SLC6A11: variants seen among roughly 807,000 people sequenced by gnomAD.
SLC6A11 encodes the protein sodium- and chloride-dependent GABA transporter 3.
SLC6A11 carries 25 observed loss-of-function variants against 74.8 expected under a neutral mutation model. The observed-to-expected ratio is 0.33, with a 90% confidence interval of 0.24 to 0.47. SLC6A11 has a LOEUF of 0.47. Ranked by LOEUF, SLC6A11 falls within the 20% of genes least tolerant of loss-of-function variation. The pLI is 1.00. For synonymous variants in SLC6A11, 330 were observed against 330.2 expected (o/e 1.00, Z 0.01); for missense variants, 574 against 837.0 (o/e 0.69, Z 3.88).
chr3:10,874,194 G>C (rs1336897361), intron 5 of SLC6A11, among the ~76,000 whole-genome samples: 1 of 152,238 alleles, frequency 6.6e-6, no homozygotes, highest in South Asian at 2.1e-4. Flanking sequence ...TTTAAAAAAA[G>C]AATACAATAG....
chr3:10,882,531 T>C (rs1397870057), intron 6 of SLC6A11, among the ~76,000 whole-genome samples: 1 of 152,194 alleles, frequency 6.6e-6, no homozygotes, highest in East Asian at 1.9e-4. Flanking sequence ...CTTGCCCTGT[T>C]CAATCTCCAG....
intron 4 of SLC6A11, among the ~76,000 whole-genome samples, chr3:10,843,022 C>G (rs1003094914): frequency 6.6e-6 from 1 of 152,014 alleles, no homozygotes; most frequent in Non-Finnish European, 1.5e-5. Flanking sequence ...CACAGAGTGC[C>G]GAAGCGACTG....
At chr3:10,871,061 A>C (rs577824038) in intron 5 of SLC6A11, among the ~76,000 whole-genome samples, 1 of 152,344 alleles carries the variant, frequency 6.6e-6, no homozygotes, top group African/African-American at 2.4e-5. Context: ...AGAACTCTAA[A>C]CAATGGAATT....
intron 4 of SLC6A11, 75 bp downstream of exon 4, chr3:10,823,467 A>C: frequency 1.0e-6 from 1 of 995,746 alleles, no homozygotes; most frequent in Non-Finnish European, 1.6e-6. Flanking sequence ...TCTTGCCCCT[A>C]TTCCTGGAAA....
chr3:10,933,531 A>G (rs1276218610), intron 11 of SLC6A11, among the ~76,000 whole-genome samples: 1 of 152,180 alleles, frequency 6.6e-6, no homozygotes, highest in Non-Finnish European at 1.5e-5. Flanking sequence ...AACAGTAGTC[A>G]TCAACATGTC....
intron 5 of SLC6A11, among the ~76,000 whole-genome samples, chr3:10,854,612 C>T (rs1314709106): frequency 3.3e-5 from 5 of 152,136 alleles, no homozygotes; most frequent in Non-Finnish European, 7.4e-5. Flanking sequence ...GCTGTTATCC[C>T]CCTCCCGCCT....
intron 4 of SLC6A11, among the ~76,000 whole-genome samples, chr3:10,831,298 A>G (rs1694293246): frequency 6.6e-6 from 1 of 152,190 alleles, no homozygotes; most frequent in African/African-American, 2.4e-5. Flanking sequence ...TTATTTTGCG[A>G]TATGACCTCA....
intron 5 of SLC6A11, among the ~76,000 whole-genome samples, chr3:10,860,313 T>A (rs1181806647): frequency 6.6e-6 from 1 of 152,148 alleles, no homozygotes; most frequent in Admixed American, 6.5e-5. Context: ...ATTCCGGCAG[T>A]GGAAACTACA....
At chr3:10,904,701 T>C (rs202168484) in intron 6 of SLC6A11, among the ~76,000 whole-genome samples, 1 of 152,296 alleles carries the variant, frequency 6.6e-6, no homozygotes, top group East Asian at 1.9e-4. Context: ...GCCTTTGTTC[T>C]GTTTGACTTG....
At chr3:10,819,348 G>C (rs1694105953) in intron 1 of SLC6A11, 117 bp from the exon 2 acceptor site, 2 of 1,068,792 alleles carry the variant, frequency 1.9e-6, no homozygotes, top group Non-Finnish European at 2.7e-6. Context: ...ATGGGAACTT[G>C]AACTCAAGTT....
At chr3:10,853,935 G>T (rs1474432847) in intron 5 of SLC6A11, among the ~76,000 whole-genome samples, 1 of 152,170 alleles carries the variant, frequency 6.6e-6, no homozygotes, top group African/African-American at 2.4e-5. Context: ...TGTGCACCCT[G>T]CCAGGGCCCT....
chr3:10,899,273 G>A (rs1448495334), intron 6 of SLC6A11, among the ~76,000 whole-genome samples: 1 of 152,168 alleles, frequency 6.6e-6, no homozygotes, highest in Non-Finnish European at 1.5e-5. Flanking sequence ...GGAGTTCTCA[G>A]CCAGGGAGGA....
intron 6 of SLC6A11, among the ~76,000 whole-genome samples, chr3:10,909,610 G>A (rs1013723887): frequency 1.2e-4 from 18 of 152,312 alleles, no homozygotes; most frequent in Admixed American, 4.6e-4. Flanking sequence ...GTGAAAGAGG[G>A]ACACCTGGTT....
intron 6 of SLC6A11, among the ~76,000 whole-genome samples, chr3:10,905,344 AAAACCTTCCCAAGC>A (rs1349372170): frequency 6.6e-6 from 1 of 152,228 alleles, no homozygotes; most frequent in East Asian, 1.9e-4. Flanking sequence ...CCTAATCCTT[AAAACCTTCCCAAGC>A]AAACCTCCAG....
rs1012379171 is a variant in SLC6A11 at position 10,939,773 on chromosome 3, G to A, written c.*1371G>A. The A allele has an allele frequency of 6.6e-6, 1 of 152,316 alleles. No homozygotes were observed. The highest frequency in any genetic ancestry group is 1.5e-5 in the Non-Finnish European group (1 of 68,110). 9.4% of individuals were successfully genotyped at this position (152,316 alleles called of 1,614,324 possible). On this transcript the variant is annotated 3_prime_UTR_variant, in exon 14 of 14. Transcript: ENST00000254488. ...AGAGGGAAGACCTGGGCATCCTGCT[G>A]GCTCCTCTCTCCGTGGGGCCTGGAG...
rs183490802 is a variant in SLC6A11 at position 10,882,357 on chromosome 3, C to A, written c.891+7262C>A. 4.4e-3 allele frequency among the ~76,000 whole-genome samples: 677 copies of A among 152,292 alleles called. 7 individuals carry two copies. Among genetic ancestry groups the A allele is most frequent in the South Asian group, 0.031 (149 of 4,828 alleles). Reference sequence around the variant, plus strand: ...ACCGGTGCAGTCACAATGAAGGTCCCAACCACCTTATTTAAAATCTTACCA... The same window carrying A: ...ACCGGTGCAGTCACAATGAAGGTCCAAACCACCTTATTTAAAATCTTACCA... On this transcript the variant is annotated intron_variant, in intron 6 of 13. Transcript: ENST00000254488.
chr3:10,824,847 T>A (rs1411875732), intron 4 of SLC6A11: 1 of 152,198 alleles, frequency 6.6e-6, no homozygotes, highest in East Asian at 1.9e-4. Context: ...GTAGCATACA[T>A]GCGTTGTCAG....
intron 6 of SLC6A11, among the ~76,000 whole-genome samples, chr3:10,891,022 C>G (rs1695101141): frequency 6.6e-6 from 1 of 152,204 alleles, no homozygotes; most frequent in East Asian, 1.9e-4. Context: ...ACAATCCTTT[C>G]TAGCTCCCAG....
chr3:10,891,908 G>T (rs1193235081), intron 6 of SLC6A11, among the ~76,000 whole-genome samples: 1 of 152,218 alleles, frequency 6.6e-6, no homozygotes, highest in Non-Finnish European at 1.5e-5. Flanking sequence ...CACCTCAAAT[G>T]GCTGTGGAAA....
Sources: gnomAD v4.1 joint callset for allele counts (sites outside exome capture counted in the v4.1 genomes callset) on GRCh38, gnomAD v4.1.1 for gene constraint, MANE v1.5 for transcripts, NCBI Gene and HGNC (gene_info 2026-07-23, HGNC 2026-07-21) for gene names.